The following SLIT2 variants were observed in gnomAD, a reference collection of about 807,000 sequenced individuals.
SLIT2 encodes slit guidance ligand 2.
A neutral mutation model predicts 185.7 loss-of-function variants in SLIT2; 41 were observed. The ratio of observed to expected loss-of-function variants is 0.22; its 90% CI spans 0.17 to 0.29. The LOEUF (loss-of-function observed/expected upper bound fraction) is 0.29, where lower values mean the gene tolerates loss of function less well. SLIT2 is among the 10% of genes least tolerant of loss of function. SLIT2 has a pLI of 1.00. For synonymous variants in SLIT2, 693 were observed against 680.2 expected (o/e 1.02, Z -0.29); for missense variants, 1,571 against 1,909.0 (o/e 0.82, Z 3.30).
At chr4:20,304,753 C>G (rs927144288) in intron 4 of SLIT2, among the ~76,000 whole-genome samples, 1 of 152,104 alleles carries the variant, frequency 6.6e-6, no homozygotes, top group African/African-American at 2.4e-5. Context: ...CATTTTGTAA[C>G]TTCCAACCAT....
intron 4 of SLIT2, among the ~76,000 whole-genome samples, chr4:20,363,957 T>C (rs1170635433): frequency 4.6e-5 from 7 of 152,168 alleles, no homozygotes; most frequent in Non-Finnish European, 8.8e-5. Context: ...AACGTGTTTT[T>C]AAGCAATGTT....
chr4:20,407,321 T>G (rs2109416760), intron 4 of SLIT2, among the ~76,000 whole-genome samples: 1 of 152,300 alleles, frequency 6.6e-6, no homozygotes, highest in African/African-American at 2.4e-5. Context: ...TCTAAGCAAC[T>G]TATTTAAAAC....
chr4:20,583,497 A>C (rs986766346), intron 29 of SLIT2, among the ~76,000 whole-genome samples: 2 of 152,132 alleles, frequency 1.3e-5, no homozygotes, highest in African/African-American at 4.8e-5. Context: ...TTTGTGTTAA[A>C]CAAGGAAGGA....
intron 20 of SLIT2, 82 bp downstream of exon 20, chr4:20,541,701 G>A: frequency 8.4e-7 from 1 of 1,193,232 alleles, no homozygotes; most frequent in African/African-American, 1.5e-5. Context: ...CTACAGCATA[G>A]TTCAGCTCAG....
intron 9 of SLIT2, among the ~76,000 whole-genome samples, chr4:20,501,123 G>C (rs781740027): frequency 1.4e-4 from 22 of 151,778 alleles, no homozygotes; most frequent in Non-Finnish European, 3.1e-4. Flanking sequence ...TTATTTTCTT[G>C]TGTTTTTGGA....
At chr4:20,279,257 C>T (rs1174223002) in intron 4 of SLIT2, among the ~76,000 whole-genome samples, 1 of 152,198 alleles carries the variant, frequency 6.6e-6, no homozygotes, top group Non-Finnish European at 1.5e-5. Flanking sequence ...TTATATCACA[C>T]TCTTTCACTT....
At chr4:20,294,840 T>G (rs1169736460) in intron 4 of SLIT2, among the ~76,000 whole-genome samples, 2 of 152,126 alleles carry the variant, frequency 1.3e-5, no homozygotes, top group African/African-American at 4.8e-5. Context: ...AATAGCAACA[T>G]GGGCAACCTG....
chr4:20,305,874 A>G (rs1242529883), intron 4 of SLIT2, among the ~76,000 whole-genome samples: 1 of 7,280 alleles, frequency 1.4e-4, no homozygotes, highest in African/African-American at 6.3e-4. Context: ...CTGTCTCAAA[A>G]TAATAATAAT....
intron 4 of SLIT2, among the ~76,000 whole-genome samples, chr4:20,427,735 TA>T (rs905237967): frequency 1.3e-5 from 2 of 152,064 alleles, no homozygotes; most frequent in African/African-American, 4.8e-5. Context: ...AATAGTCTTC[TA>T]AAAACTTCCC....
At position 20,519,672 on chromosome 4, in the gene SLIT2, T is replaced by C. The variant is rs1222962215; in HGVS notation, c.1130+219T>C. On this transcript the variant is annotated intron_variant, in intron 12 of 36. Transcript: ENST00000504154. ...CAAACCAATTTTATCTACACTATCA[T>C]GAATGTATGCATTCTGGCTTCTCTA... 5.3e-5 allele frequency among the ~76,000 whole-genome samples: 8 copies of C among 152,308 alleles called. No individual in the cohort carries two copies. In the East Asian group the frequency reaches 1.4e-3, roughly 26 times the overall value.
intron 4 of SLIT2, among the ~76,000 whole-genome samples, chr4:20,280,371 C>A (rs1244595016): frequency 7.4e-5 from 11 of 149,058 alleles, no homozygotes; most frequent in Admixed American, 2.0e-4. Flanking sequence ...CAAAAAAAAA[C>A]CAAAAAGCTT....
At chr4:20,476,855 T>C (rs1367783381) in intron 5 of SLIT2, among the ~76,000 whole-genome samples, 1 of 152,190 alleles carries the variant, frequency 6.6e-6, no homozygotes, top group Non-Finnish European at 1.5e-5. Context: ...AGTAAGCAAA[T>C]GTTTAACCTT....
intron 4 of SLIT2, among the ~76,000 whole-genome samples, chr4:20,379,275 G>A (rs985807822): frequency 3.3e-5 from 5 of 152,092 alleles, no homozygotes; most frequent in African/African-American, 1.2e-4. Flanking sequence ...GGAGGTATAT[G>A]AGAACTCTGT....
chr4:20,336,386 A>T (rs181344973), intron 4 of SLIT2, among the ~76,000 whole-genome samples: 5 of 152,302 alleles, frequency 3.3e-5, no homozygotes, highest in African/African-American at 1.2e-4. Context: ...TTGTAGGGAC[A>T]TGGATGAAGC....
chr4:20,404,692 G>A (rs1485186995), intron 4 of SLIT2, among the ~76,000 whole-genome samples: 1 of 151,950 alleles, frequency 6.6e-6, no homozygotes, highest in East Asian at 1.9e-4. Flanking sequence ...AGAAATCCTT[G>A]TCTGTCCTAC....
chr4:20,388,653 A>G (rs538719086), intron 4 of SLIT2, among the ~76,000 whole-genome samples: 1 of 151,812 alleles, frequency 6.6e-6, no homozygotes, highest in African/African-American at 2.4e-5. Flanking sequence ...GTGTGCCTGT[A>G]GTCCCAACTA....
At chr4:20,371,746 A>T (rs763334701) in intron 4 of SLIT2, among the ~76,000 whole-genome samples, 2 of 152,112 alleles carry the variant, frequency 1.3e-5, no homozygotes, top group African/African-American at 2.4e-5. Context: ...GTAAGAATGT[A>T]AGAAGTTATT....
At chr4:20,516,462 T>A (rs1411337700) in intron 11 of SLIT2, among the ~76,000 whole-genome samples, 4 of 152,320 alleles carry the variant, frequency 2.6e-5, no homozygotes, top group Middle Eastern at 6.8e-3. Flanking sequence ...ATTATCCACA[T>A]CCCTCATGTA....
intron 4 of SLIT2, among the ~76,000 whole-genome samples, chr4:20,369,228 T>C (rs1265840705): frequency 6.6e-6 from 1 of 152,062 alleles, no homozygotes; most frequent in African/African-American, 2.4e-5. Flanking sequence ...TCTGTCCTCA[T>C]TGATGTCCTC....
Sources: allele counts gnomAD v4.1 joint callset (sites outside exome capture counted in the v4.1 genomes callset), GRCh38; gene constraint gnomAD v4.1.1; transcripts MANE v1.5; gene names NCBI Gene and HGNC (gene_info 2026-07-23, HGNC 2026-07-21).